Variants in PCDHA11 observed in about 807,000 individuals in gnomAD.
PCDHA11 encodes protocadherin alpha 11.
A neutral mutation model predicts 70.3 loss-of-function variants in PCDHA11; 61 were observed. The ratio of observed to expected loss-of-function variants is 0.87; its 90% CI spans 0.71 to 1.07. The LOEUF is 1.07. PCDHA11 is among the 50% of genes least tolerant of loss of function. PCDHA11 has a pLI of 0.00. For synonymous variants in PCDHA11, 633 were observed against 555.1 expected (o/e 1.14, Z -1.97); for missense variants, 1,324 against 1,237.5 (o/e 1.07, Z -1.05).
chr5:140,970,405 C>T (rs1361647284), intron 1 of PCDHA11, among the ~76,000 whole-genome samples: 1 of 152,120 alleles, frequency 6.6e-6, no homozygotes, highest in Non-Finnish European at 1.5e-5. Flanking sequence ...GATGGCTTAC[C>T]CTACAGTAAG....
Position 140,880,405 on chromosome 5 carries a change from G to T in PCDHA11, c.2391+8911G>T, listed in dbSNP as rs183953148. Among the ~76,000 whole-genome samples, 426 of 152,300 alleles carry T rather than the reference G, an allele frequency of 2.8e-3. 2 individuals carry two copies. The highest frequency in any genetic ancestry group is 0.014 in the Middle Eastern group (4 of 294). On this transcript the variant is annotated intron_variant, in intron 1 of 3. Coordinates refer to ENST00000398640, the MANE Select transcript of PCDHA11 (RefSeq NM_018902.5). ...AAATAATTTTTAAGAGCATATGGTTGACCTTAAAAGCGGGAACAGTTTTTC... is the reference window on the plus strand; with the variant it reads ...AAATAATTTTTAAGAGCATATGGTTTACCTTAAAAGCGGGAACAGTTTTTC...
chr5:140,869,590 G>GAAGA lies in PCDHA11; in HGVS notation c.488_491dup (p.Asn165ArgfsTer11). On this transcript the variant is annotated frameshift_variant, in exon 1 of 4. Transcript: ENST00000398640. LOFTEE classifies it high-confidence loss of function. ...AGAGGGAGCTTCTGATGCTGACATT[G>GAAGA]AAGAGAATGCTCTATTGACCTACAG... 3 of 1,614,102 alleles carry GAAGA rather than the reference G, an allele frequency of 1.9e-6. No individual in the cohort carries two copies. The highest frequency in any genetic ancestry group is 2.5e-6 in the Non-Finnish European group (3 of 1,180,030).
At chr5:140,876,443 A>C in intron 1 of PCDHA11, 1 of 1,614,012 alleles carries the variant, frequency 6.2e-7, no homozygotes, top group Non-Finnish European at 8.5e-7. Context: ...AACGCCATTG[A>C]TAAAGGGATT....
chr5:140,966,603 G>T, intron 1 of PCDHA11: 1 of 656,454 alleles, frequency 1.5e-6, no homozygotes, highest in East Asian at 3.4e-5. Context: ...AGGAGCCCTT[G>T]GGAGGGCCTA....
At chr5:140,927,430 A>C (rs782761686) in intron 1 of PCDHA11, 4 of 1,614,152 alleles carry the variant, frequency 2.5e-6, no homozygotes, top group Non-Finnish European at 3.4e-6. Flanking sequence ...GGTTGACGGC[A>C]GCGAATACCC....
At chr5:140,983,807 G>GT (rs1418454252) in intron 3 of PCDHA11, among the ~76,000 whole-genome samples, 1 of 152,100 alleles carries the variant, frequency 6.6e-6, no homozygotes, top group East Asian at 1.9e-4. Flanking sequence ...TGTGTAAAAG[G>GT]TTTTTTCCCA....
At chr5:140,924,175 A>G (rs1179259744) in intron 1 of PCDHA11, among the ~76,000 whole-genome samples, 4 of 152,244 alleles carry the variant, frequency 2.6e-5, no homozygotes, top group Non-Finnish European at 5.9e-5. Context: ...CTGGCACTGA[A>G]GCAGAAAATT....
chr5:140,869,145 A>G lies in PCDHA11; in HGVS notation c.42A>G (p.Leu14=), dbSNP rs1013407350. The change falls in exon 1 of 4, where the codon CTA becomes CTG. Residue 14 remains leucine, a synonymous_variant. Transcript: ENST00000398640. ...FQRRGLGTPR[L]QLWLLLLEFW... is the part of the protein sequence containing the mutation. The stretch of plus-strand genomic sequence containing the variant: ...GAAGGGGATTGGGCACCCCACGACT[A>G]CAGCTCTGGCTTCTCCTCCTCGAAT... 3.6e-5 allele frequency: 58 copies of G among 1,613,508 alleles called. No individual in the cohort carries two copies. The highest frequency in any genetic ancestry group is 4.7e-5 in the Non-Finnish European group (55 of 1,179,678).
intron 1 of PCDHA11, chr5:140,927,555 C>G: frequency 6.2e-7 from 1 of 1,614,176 alleles, no homozygotes. Context: ...AAGTCACCAT[C>G]ATTGTGGTGG....
intron 1 of PCDHA11, among the ~76,000 whole-genome samples, chr5:140,898,043 T>A (rs1554187781): frequency 6.6e-6 from 1 of 152,148 alleles, no homozygotes; most frequent in African/African-American, 2.4e-5. Context: ...GTTGTTTGTT[T>A]TTTTCTTGTA....
intron 1 of PCDHA11, among the ~76,000 whole-genome samples, chr5:140,962,592 G>C (rs1318639328): frequency 1.3e-5 from 2 of 152,164 alleles, no homozygotes; most frequent in Non-Finnish European, 2.9e-5. Flanking sequence ...ATATTTGACT[G>C]ATATATTTCT....
intron 1 of PCDHA11, chr5:140,927,292 C>A: frequency 6.2e-7 from 1 of 1,614,162 alleles, no homozygotes; most frequent in East Asian, 2.2e-5. Flanking sequence ...GCTGCACATC[C>A]CCGAGTTCCT....
At position 140,974,381 on chromosome 5, in the gene PCDHA11, G is replaced by A. The variant is rs782006620; in HGVS notation, c.2392-4568G>A. 3.3e-5 allele frequency among the ~76,000 whole-genome samples: 5 copies of A among 152,272 alleles called. No homozygotes were observed. In the East Asian group the frequency reaches 7.7e-4, roughly 23 times the overall value. On this transcript the variant is annotated intron_variant, in intron 1 of 3. Transcript: ENST00000398640. ...AGACCTAGCACTTTCTGTTGTACTG[G>A]AACCCATTAGGTATGTTCTAAAGTT...
At chr5:140,946,574 G>C (rs246054) in intron 1 of PCDHA11, among the ~76,000 whole-genome samples, 17 of 145,538 alleles carry the variant, frequency 1.2e-4, no homozygotes, top group African/African-American at 4.5e-4. Flanking sequence ...AATCAACTTA[G>C]GTGTTCATAG....
rs781852534 is a variant in PCDHA11, at chr5:140,982,552, G to T, written c.2528G>T (p.Ser843Ile). 1 of 1,614,168 alleles carries T rather than the reference G, an allele frequency of 6.2e-7. No individual in the cohort carries two copies. The highest frequency in any genetic ancestry group is 2.2e-5 in the East Asian group (1 of 44,892). ...GATCAGCAGTGGCCAACAGTATCCAGTGCAACACCAGGTAAAGAGCTGGGG... is the reference window on the plus strand; with the variant it reads ...GATCAGCAGTGGCCAACAGTATCCATTGCAACACCAGGTAAAGAGCTGGGG... The part of the protein sequence containing the change: ...GPDQQWPTVS[S>I]ATPEPEAGEV... Residue 843 changes from serine (S) to isoleucine (I), a missense_variant, in exon 3 of 4, where the codon AGT (serine) becomes ATT (isoleucine). Physicochemically the swap from Ser to Ile is moderately radical, Grantham distance 142. Coordinates refer to ENST00000398640, the MANE Select transcript of PCDHA11 (RefSeq NM_018902.5).
intron 1 of PCDHA11, chr5:140,928,252 G>C (rs1377533547): frequency 2.5e-6 from 4 of 1,614,208 alleles, no homozygotes; most frequent in Non-Finnish European, 3.4e-6. Flanking sequence ...GGAACTTTTC[G>C]TTGCTGAAAA....
intron 1 of PCDHA11, among the ~76,000 whole-genome samples, chr5:140,888,214 G>GTGTGTGTGCA (rs1387597541): frequency 6.6e-6 from 1 of 152,130 alleles, no homozygotes; most frequent in Admixed American, 6.5e-5. Context: ...TGGATTTTGT[G>GTGTGTGTGCA]TGTGTGTGCA....
At chr5:140,987,941 G>A (rs1554249697) in intron 3 of PCDHA11, among the ~76,000 whole-genome samples, 1 of 152,104 alleles carries the variant, frequency 6.6e-6, no homozygotes, top group African/African-American at 2.4e-5. Flanking sequence ...ATTCTTACCT[G>A]TCTGACAAAA....
intron 1 of PCDHA11, among the ~76,000 whole-genome samples, chr5:140,913,296 T>A (rs538964015): frequency 2.1e-4 from 32 of 152,322 alleles, no homozygotes; most frequent in African/African-American, 7.0e-4. Flanking sequence ...TTTAATTTCT[T>A]CATAGATCAA....
Sources: allele counts gnomAD v4.1 joint callset (sites outside exome capture counted in the v4.1 genomes callset), GRCh38; gene constraint gnomAD v4.1.1; transcripts MANE v1.5; gene names NCBI Gene and HGNC (gene_info 2026-07-23, HGNC 2026-07-21).